Variants in ABL2 observed in about 807,000 individuals in gnomAD.
ABL2 encodes tyrosine-protein kinase ABL2.
ABL2 carries 49 observed loss-of-function variants against 107.7 expected under a neutral mutation model. That is an observed-to-expected ratio of 0.45 (90% CI 0.36 to 0.58). The LOEUF (loss-of-function observed/expected upper bound fraction) is 0.58, where lower values mean the gene tolerates loss of function less well. Among genes scored for constraint, ABL2 ranks in the 20% least tolerant of loss-of-function variants. The pLI, the probability that ABL2 is intolerant of heterozygous loss-of-function variation, is 0.00. For synonymous variants in ABL2, 549 were observed against 548.6 expected (o/e 1.00, Z -0.01); for missense variants, 1,245 against 1,457.0 (o/e 0.85, Z 2.37).
Position 179,203,113 on chromosome 1 carries a change from G to A in ABL2, c.157+26128C>T, listed in dbSNP as rs115871270. On this transcript the variant is annotated intron_variant, in intron 1 of 11. Transcript: ENST00000502732. ...TTTAGTTTTTGCTTGATTTTTTCCC[G>A]TAATAAAACATACTGCATTTGTAAA... Among the ~76,000 whole-genome samples the A allele has an allele frequency of 5.3e-3, 810 of 152,114 alleles. 7 individuals carry two copies. The highest frequency in any genetic ancestry group is 0.018 in the African/African-American group (757 of 41,496).
At chr1:179,110,950 C>A in intron 10 of ABL2, 1 of 1,213,368 alleles carries the variant, frequency 8.2e-7, no homozygotes, top group Non-Finnish European at 1.2e-6. Flanking sequence ...ACTCTGCATG[C>A]TTGCTAAAAT....
intron 1 of ABL2, among the ~76,000 whole-genome samples, chr1:179,212,487 C>G (rs991445752): frequency 2.0e-5 from 3 of 152,184 alleles, no homozygotes; most frequent in African/African-American, 7.2e-5. Flanking sequence ...AATCACAGCA[C>G]TTTGGGAGGC....
chr1:179,175,802 AAAG>A (rs1660003172), intron 1 of ABL2, among the ~76,000 whole-genome samples: 1 of 151,994 alleles, frequency 6.6e-6, no homozygotes, highest in Non-Finnish European at 1.5e-5. Flanking sequence ...GCAAATTAAC[AAAG>A]AAGACTGCAT....
At position 179,229,448 on chromosome 1, in the gene ABL2, C is replaced by T. The variant is rs776370389; in HGVS notation, c.-51G>A. 4 of 1,449,262 alleles carry T rather than the reference C, an allele frequency of 2.8e-6. No homozygotes were observed. Among genetic ancestry groups the T allele is most frequent in the East Asian group, 2.7e-5 (1 of 36,422 alleles). The allele number at this position is 1,449,262 out of a possible 1,614,324, so 89.8% of individuals were successfully genotyped here. On this transcript the variant is annotated 5_prime_UTR_variant, in exon 1 of 12. Coordinates refer to ENST00000502732, the MANE Select transcript of ABL2 (RefSeq NM_007314.4). Reference sequence around the variant, plus strand: ...CCCGCCGACCCCTGGTCACATTCCTCCTCGGCTCCGGCCTCGGGCTCCTGG... The same window carrying T: ...CCCGCCGACCCCTGGTCACATTCCTTCTCGGCTCCGGCCTCGGGCTCCTGG...
intron 10 of ABL2, 107 bp from the exon 11 acceptor site, chr1:179,110,562 C>T: frequency 1.3e-6 from 2 of 1,513,602 alleles, no homozygotes; most frequent in South Asian, 1.3e-5. Context: ...AAGTAGAGTA[C>T]TAAAATACAT....
At chr1:179,208,252 C>T (rs1052342774) in intron 1 of ABL2, among the ~76,000 whole-genome samples, 4 of 152,088 alleles carry the variant, frequency 2.6e-5, no homozygotes, top group African/African-American at 9.7e-5. Flanking sequence ...AATCCTGTCA[C>T]TCAGGTAGTA....
At chr1:179,225,242 G>C (rs753060190) in intron 1 of ABL2, among the ~76,000 whole-genome samples, 51 of 152,094 alleles carry the variant, frequency 3.4e-4, no homozygotes, top group Non-Finnish European at 6.6e-4. Flanking sequence ...AGAAAGAAAA[G>C]TCCTGGACTC....
In ABL2 at chr1:179,131,492, TAAG is replaced by T. The variant is rs774860523; in HGVS notation, c.221-14_221-12del. ...GACGATGCAAAGCTTCTGAAAGACATAAGAAGGGAAGGGAATTCACGGTGAGTT... is the reference window on the plus strand; with the variant it reads ...GACGATGCAAAGCTTCTGAAAGACATAAGGGAAGGGAATTCACGGTGAGTT... On this transcript the variant is annotated splice_polypyrimidine_tract_variant and intron_variant, in intron 2 of 11. Coordinates refer to ENST00000502732, the MANE Select transcript of ABL2 (RefSeq NM_007314.4). 5 of 1,612,030 alleles carry T rather than the reference TAAG, an allele frequency of 3.1e-6. No individual in the cohort carries two copies. In the South Asian group the frequency reaches 3.3e-5, roughly 11 times the overall value.
At chr1:179,193,673 T>C (rs771029262) in intron 1 of ABL2, among the ~76,000 whole-genome samples, 1 of 152,160 alleles carries the variant, frequency 6.6e-6, no homozygotes, top group Non-Finnish European at 1.5e-5. Flanking sequence ...CTCAAAGTGC[T>C]GGGATTACAG....
At chr1:179,123,307 C>A (rs972223168) in intron 4 of ABL2, among the ~76,000 whole-genome samples, 17 of 151,836 alleles carry the variant, frequency 1.1e-4, no homozygotes, top group African/African-American at 4.1e-4. Flanking sequence ...AGAGTTGAGA[C>A]CAGCTTGGCC....
chr1:179,220,608 T>C (rs1260807998), intron 1 of ABL2, among the ~76,000 whole-genome samples: 1 of 152,222 alleles, frequency 6.6e-6, no homozygotes, highest in African/African-American at 2.4e-5. Context: ...AAGCATGGAA[T>C]ACAGAAAACA....
Position 179,106,134 on chromosome 1 carries a change from G to A in ABL2, c.*1584C>T, listed in dbSNP as rs1653457033. On this transcript the variant is annotated 3_prime_UTR_variant, in exon 12 of 12. Coordinates refer to ENST00000502732, the MANE Select transcript of ABL2 (RefSeq NM_007314.4). ...AATAAAATAAAAATATGTGTGTATTGAGCTCTCCTTGGGGAGGATGGGGGA... is the reference window on the plus strand; with the variant it reads ...AATAAAATAAAAATATGTGTGTATTAAGCTCTCCTTGGGGAGGATGGGGGA... 4.5e-6 allele frequency: 1 copy of A among 220,610 alleles called. No individual in the cohort carries two copies. The highest frequency in any genetic ancestry group is 6.7e-5 in the East Asian group (1 of 14,954). The allele number at this position is 220,610 out of a possible 1,614,324, so 13.7% of individuals were successfully genotyped here. A position where few individuals can be genotyped will look rare whatever the true frequency, so the allele number is the denominator to read the frequency against.
At chr1:179,200,081 C>A (rs1226889907) in intron 1 of ABL2, among the ~76,000 whole-genome samples, 2 of 124,056 alleles carry the variant, frequency 1.6e-5, no homozygotes, top group African/African-American at 3.1e-5. Flanking sequence ...GAGTCTCCCT[C>A]TGTCTTCCAG....
At chr1:179,148,279 G>A (rs189288617) in intron 1 of ABL2, among the ~76,000 whole-genome samples, 70 of 152,060 alleles carry the variant, frequency 4.6e-4, no homozygotes, top group African/African-American at 1.5e-3. Flanking sequence ...AGCTCAAAGC[G>A]ATCTGCCCAC....
At position 179,102,882 on chromosome 1, in the gene ABL2, C is replaced by A. The variant is rs550202884; in HGVS notation, c.*4836G>T. On this transcript the variant is annotated 3_prime_UTR_variant, in exon 12 of 12. Coordinates refer to ENST00000502732, the MANE Select transcript of ABL2 (RefSeq NM_007314.4). ...TGACAAATGTCAATGTCATTTATAA[C>A]TGGTAGGAAATCCTAGAAAAGTAAT... The A allele has an allele frequency of 2.2e-5, 5 of 226,110 alleles. 1 individual carries two copies. Among genetic ancestry groups the A allele is most frequent in the Non-Finnish European group, 4.4e-5 (5 of 113,716 alleles). The allele number at this position is 226,110 out of a possible 1,614,324, so 14.0% of individuals were successfully genotyped here.
Position 179,100,984 on chromosome 1 carries a change from T to G in ABL2, c.*6734A>C. 4.3e-6 allele frequency: 1 copy of G among 232,982 alleles called. No individual in the cohort carries two copies. Among genetic ancestry groups the G allele is most frequent in the Non-Finnish European group, 8.5e-6 (1 of 117,838 alleles). The allele number at this position is 232,982 out of a possible 1,614,324, so 14.4% of individuals were successfully genotyped here. On this transcript the variant is annotated 3_prime_UTR_variant, in exon 12 of 12. Coordinates refer to ENST00000502732, the MANE Select transcript of ABL2 (RefSeq NM_007314.4). The stretch of plus-strand genomic sequence containing the variant: ...TTGGAGGGAAGGGTCCGGCGAGACC[T>G]CGCCAGGTGGGCTTGAGAAACGCAG...
At position 179,110,354 on chromosome 1, in the gene ABL2, G is replaced by T. The variant is rs1431606173; in HGVS notation, c.1753C>A (p.Gln585Lys). 1 of 1,614,068 alleles carries T rather than the reference G, an allele frequency of 6.2e-7. No homozygotes were observed. Among genetic ancestry groups the T allele is most frequent in the Non-Finnish European group, 8.5e-7 (1 of 1,180,042 alleles). ...TCAATGTTCTCCTTGTTCTCCACCT[G>T]TTTCTTCAGTGTCCGAGTCTTGGAA... ...LPSKTRTLKK[Q>K]VENKENIEGA... Residue 585 changes from glutamine (Q) to lysine (K), a missense_variant, in exon 11 of 12, where the codon CAG (glutamine) becomes AAG (lysine). Gln to Lys is a moderately conservative substitution (Grantham distance 53, BLOSUM62 1). Coordinates refer to ENST00000502732, the MANE Select transcript of ABL2 (RefSeq NM_007314.4).
intron 1 of ABL2, among the ~76,000 whole-genome samples, chr1:179,164,642 T>G (rs904619101): frequency 3.9e-5 from 6 of 152,224 alleles, no homozygotes; most frequent in African/African-American, 1.4e-4. Flanking sequence ...CTGACATTCC[T>G]GAGGAGGGAC....
At chr1:179,119,668 C>T (rs1267282237) in intron 6 of ABL2, among the ~76,000 whole-genome samples, 1 of 151,918 alleles carries the variant, frequency 6.6e-6, no homozygotes, top group South Asian at 2.1e-4. Flanking sequence ...GCATTTCCTG[C>T]TTGTAAAGGT....
Sources: allele counts gnomAD v4.1 joint callset (sites outside exome capture counted in the v4.1 genomes callset), GRCh38; gene constraint gnomAD v4.1.1; transcripts MANE v1.5; gene names NCBI Gene and HGNC (gene_info 2026-07-23, HGNC 2026-07-21).